PCDHGA4: variants seen among roughly 807,000 people sequenced by gnomAD.
PCDHGA4 encodes the protein protocadherin gamma subfamily A, 4.
In PCDHGA4, 38 loss-of-function variants were observed where a neutral mutation model predicts 54.6. The observed-to-expected ratio is 0.70, with a 90% confidence interval of 0.54 to 0.91. The LOEUF is 0.91. PCDHGA4 is among the 40% of genes least tolerant of loss of function. The pLI is 0.00. For synonymous variants in PCDHGA4, 511 were observed against 512.9 expected, an observed-to-expected ratio of 1.00 and a Z score of 0.05; for missense variants, 1,298 against 1,220.9, an observed-to-expected ratio of 1.06 and a Z score of -0.94.
intron 1 of PCDHGA4, among the ~76,000 whole-genome samples, chr5:141,475,285 A>G (rs2099361212): frequency 6.6e-6 from 1 of 152,244 alleles, no homozygotes; most frequent in Non-Finnish European, 1.5e-5. Context: ...AAGACAGGGT[A>G]GGGAAATTTC....
At position 141,489,369 on chromosome 5, in the gene PCDHGA4, G is replaced by T; in HGVS notation, c.2515-5438G>T. ...TGGTGGAGGAGTCTGAGCCGGGGAC[G>T]CTGGTGGGGAATGTTGCTCAGGATC... On this transcript the variant is annotated intron_variant, in intron 1 of 3. Coordinates refer to ENST00000571252, the MANE Select transcript of PCDHGA4 (RefSeq NM_018917.4). This position sits in a 1 kb window ranked among gnomAD's most constrained non-coding sequence, Gnocchi z 4.5. 6.2e-7 allele frequency: 1 copy of T among 1,613,592 alleles called. No homozygotes were observed.
chr5:141,444,722 C>T (rs72790051), intron 1 of PCDHGA4, among the ~76,000 whole-genome samples: 3,290 of 152,024 alleles, frequency 0.022, 51 homozygotes, highest in South Asian at 0.038. Flanking sequence ...TGCTTGGTGC[C>T]TTTGTTGAAA....
intron 1 of PCDHGA4, chr5:141,427,870 C>A (rs773176633): frequency 3.2e-6 from 5 of 1,558,750 alleles, no homozygotes; most frequent in Non-Finnish European, 4.4e-6. Context: ...TTCGAGCTCA[C>A]GATGCAGGCC....
At position 141,365,599 on chromosome 5, in the gene PCDHGA4, C is replaced by G. The variant is rs368039042; in HGVS notation, c.2514+7978C>G. On this transcript the variant is annotated intron_variant, in intron 1 of 3. Transcript: ENST00000571252. ...CTTCAGATTATAATATCACTTTAAC[C>G]GTCATGGACCATGGAACCCCGCCCC... is the stretch of plus-strand genomic sequence containing the variant. 1.4e-4 allele frequency: 222 copies of G among 1,613,638 alleles called. 2 individuals carry two copies. In the South Asian group the frequency reaches 2.3e-3, roughly 17 times the overall value.
Position 141,486,734 on chromosome 5 carries a change from C to A in PCDHGA4, c.2515-8073C>A. ...CCAGACAGGAGCTGTTCATGCTACT[C>A]GATCCTTTGACTATGAGCAAACCCA... On this transcript the variant is annotated intron_variant, in intron 1 of 3. Transcript: ENST00000571252. The surrounding 1 kb of genome is among the most constrained non-coding windows in gnomAD (Gnocchi z 5.0). The A allele has an allele frequency of 1.2e-6, 2 of 1,614,188 alleles. No homozygotes were observed. Among genetic ancestry groups the A allele is most frequent in the Non-Finnish European group, 1.7e-6 (2 of 1,180,040 alleles).
At chr5:141,450,489 CTG>C (rs2098682348) in intron 1 of PCDHGA4, among the ~76,000 whole-genome samples, 1 of 150,280 alleles carries the variant, frequency 6.7e-6, no homozygotes, top group Admixed American at 6.6e-5. Context: ...GTTTGTTTGT[CTG>C]TTTGTTTGTT....
In PCDHGA4 at chr5:141,395,071, A is replaced by G. The variant is rs767254764; in HGVS notation, c.2514+37450A>G. 27 of 1,614,100 alleles carry G rather than the reference A, an allele frequency of 1.7e-5. No individual in the cohort carries two copies. Among genetic ancestry groups the G allele is most frequent in the East Asian group, 2.2e-5 (1 of 44,880 alleles). The stretch of plus-strand genomic sequence containing the variant: ...GAGGTACAGGCTTTCCTGCAGACCT[A>G]TTCCCAGGAAGTCTCCCTCACCGCC... On this transcript the variant is annotated intron_variant, in intron 1 of 3. Transcript: ENST00000571252.
At chr5:141,450,627 C>T (rs947866993) in intron 1 of PCDHGA4, among the ~76,000 whole-genome samples, 13 of 151,592 alleles carry the variant, frequency 8.6e-5, no homozygotes, top group African/African-American at 3.2e-4. Context: ...GCTGGGATTA[C>T]AGATGCCTGC....
intron 1 of PCDHGA4, chr5:141,375,952 G>T (rs1032808913): frequency 1.2e-6 from 2 of 1,613,514 alleles, no homozygotes; most frequent in Non-Finnish European, 1.7e-6. Flanking sequence ...GCCTGCACAC[G>T]GGCGAGGTGC....
Position 141,356,394 on chromosome 5 carries a change from T to C in PCDHGA4, c.1287T>C (p.Tyr429=). 1.9e-6 allele frequency: 3 copies of C among 1,579,600 alleles called. No homozygotes were observed. Among genetic ancestry groups the C allele is most frequent in the South Asian group, 1.1e-5 (1 of 87,162 alleles). Residue 429 remains tyrosine (Y), a synonymous_variant, in exon 1 of 4, where the codon TAT becomes TAC. Coordinates refer to ENST00000571252, the MANE Select transcript of PCDHGA4 (RefSeq NM_018917.4). The part of the protein sequence containing the change: ...DNLPFTLEKT[Y]GNYYRLLTHR... ...TGCCATTCACACTTGAAAAGACCTA[T>C]GGAAATTATTATCGGTTGTTGACAC...
chr5:141,367,034 G>A, intron 1 of PCDHGA4: 2 of 369,536 alleles, frequency 5.4e-6, no homozygotes, highest in South Asian at 8.1e-5. Flanking sequence ...TGGAACTGCA[G>A]TTCTATTAAT....
intron 1 of PCDHGA4, among the ~76,000 whole-genome samples, chr5:141,373,661 A>T (rs766983811): frequency 6.6e-6 from 1 of 152,270 alleles, no homozygotes; most frequent in Non-Finnish European, 1.5e-5. Context: ...AGATATTTTC[A>T]TAAAAATGAA....
intron 1 of PCDHGA4, among the ~76,000 whole-genome samples, chr5:141,448,813 C>T (rs1020956433): frequency 2.0e-5 from 3 of 151,800 alleles, no homozygotes; most frequent in Admixed American, 1.3e-4. Context: ...GGCGTGATGG[C>T]GGGCGCCTGT....
intron 1 of PCDHGA4, chr5:141,418,101 G>T: frequency 6.2e-7 from 1 of 1,614,082 alleles, no homozygotes; most frequent in Non-Finnish European, 8.5e-7. Context: ...GACGCGCAGA[G>T]CGGGGACTTA....
chr5:141,410,617 T>A, intron 1 of PCDHGA4: 2 of 1,603,978 alleles, frequency 1.2e-6, no homozygotes, highest in Non-Finnish European at 1.7e-6. Flanking sequence ...AGACTCTGAC[T>A]TCGGTGAGTT....
At chr5:141,505,361 A>G (rs2099845711) in intron 2 of PCDHGA4, 32 bp from the exon 3 acceptor site, 1 of 1,613,910 alleles carries the variant, frequency 6.2e-7, no homozygotes, top group South Asian at 1.1e-5. Context: ...CCGGCCTGGG[A>G]GTCTGTGCTC....
At chr5:141,406,044 G>A (rs1473314165) in intron 1 of PCDHGA4, among the ~76,000 whole-genome samples, 1 of 151,228 alleles carries the variant, frequency 6.6e-6, no homozygotes, top group Non-Finnish European at 1.5e-5. Flanking sequence ...ATTGGTTGCA[G>A]TGGACTCATA....
rs550977374 is a variant in PCDHGA4, at chr5:141,447,118, G to A, written c.2515-47689G>A. 9.2e-5 allele frequency among the ~76,000 whole-genome samples: 14 copies of A among 151,984 alleles called. No individual in the cohort carries two copies. The East Asian group carries it at 2.7e-3, about 29-fold the overall frequency. ...TTCACATGATTATATGTGCTCCATGGATTTTTTTGTTTGTTTGTTTTTTGT... is the reference window on the plus strand; with the variant it reads ...TTCACATGATTATATGTGCTCCATGAATTTTTTTGTTTGTTTGTTTTTTGT... On this transcript the variant is annotated intron_variant, in intron 1 of 3. Transcript: ENST00000571252.
At chr5:141,371,264 A>C in intron 1 of PCDHGA4, 1 of 1,614,064 alleles carries the variant, frequency 6.2e-7, no homozygotes, top group South Asian at 1.1e-5. Context: ...AAGTGAGACA[A>C]CTGTTCAAGC....
Sources: allele counts gnomAD v4.1 joint callset (sites outside exome capture counted in the v4.1 genomes callset), GRCh38; gene constraint gnomAD v4.1.1; non-coding constraint Gnocchi (gnomAD v3.1); transcripts MANE v1.5; gene names NCBI Gene and HGNC (gene_info 2026-07-23, HGNC 2026-07-21).